The following RYR2 variants were observed in gnomAD, a reference collection of about 807,000 sequenced individuals.
The protein encoded by RYR2 is cardiac muscle ryanodine receptor-calcium release channel.
RYR2 carries 227 observed loss-of-function variants against 601.1 expected under a neutral mutation model. That is an observed-to-expected ratio of 0.38 (90% CI 0.34 to 0.42). The LOEUF is 0.42. Among genes scored for constraint, RYR2 ranks in the 10% least tolerant of loss-of-function variants. The pLI, the probability that RYR2 is intolerant of heterozygous loss-of-function variation, is 1.00. For synonymous variants in RYR2, 2,223 were observed against 2,175.1 expected (o/e 1.02, Z -0.61); for missense variants, 4,646 against 6,156.5 (o/e 0.75, Z 8.21).
intron 1 of RYR2, among the ~76,000 whole-genome samples, chr1:237,072,204 C>T (rs553424185): frequency 3.0e-4 from 45 of 152,334 alleles, no homozygotes; most frequent in South Asian, 1.0e-3. Flanking sequence ...TGGGGCATGC[C>T]GCCCCGGTTG....
chr1:237,649,917 G>C lies in RYR2; in HGVS notation c.7553G>C (p.Arg2518Pro), dbSNP rs1246380795. The change falls in exon 50 of 105, where the codon CGG (arginine) becomes CCG (proline). Residue 2518 changes from arginine to proline, a missense_variant. Arg to Pro is a moderately radical substitution (Grantham distance 103). Around this residue, in one of 17 missense-constraint regions of RYR2, gnomAD observed 1,497 missense variants for 1,842.6 expected, o/e 0.81. Coordinates refer to ENST00000366574, the MANE Select transcript of RYR2 (RefSeq NM_001035.3). ...ACAGACATGGCCTTGGCCCTCAATC[G>C]GTACCTTTGCACAGCCGTCTTGCCA... The part of the protein sequence containing the change: ...SATDMALALN[R>P]YLCTAVLPLL... The C allele has an allele frequency of 6.2e-7, 1 of 1,613,668 alleles. No individual in the cohort carries two copies. The highest frequency in any genetic ancestry group is 1.3e-5 in the African/African-American group (1 of 74,878).
chr1:237,513,631 G>A (rs182454121), intron 24 of RYR2, among the ~76,000 whole-genome samples: 15 of 152,254 alleles, frequency 9.9e-5, no homozygotes, highest in Admixed American at 2.0e-4. Context: ...CTAGTGCAAC[G>A]CACTACCTTT....
intron 1 of RYR2, among the ~76,000 whole-genome samples, chr1:237,225,395 GA>G (rs1294985006): frequency 1.3e-5 from 2 of 152,142 alleles, no homozygotes; most frequent in Admixed American, 6.5e-5. Context: ...GGCAGAGGGC[GA>G]AAGGCACGTC....
At chr1:237,053,400 AGGGAAGG>A (rs1661530482) in intron 1 of RYR2, among the ~76,000 whole-genome samples, 1 of 152,190 alleles carries the variant, frequency 6.6e-6, no homozygotes, top group Non-Finnish European at 1.5e-5. Context: ...CCTTTGTGAC[AGGGAAGG>A]GGCCATCATC....
chr1:237,208,973 T>C (rs1682198110), intron 1 of RYR2, among the ~76,000 whole-genome samples: 1 of 107,536 alleles, frequency 9.3e-6, no homozygotes, highest in Non-Finnish European at 2.0e-5. Context: ...TATATATATA[T>C]ATATATATAT....
intron 1 of RYR2, among the ~76,000 whole-genome samples, chr1:237,182,425 G>C (rs1287136025): frequency 1.3e-5 from 2 of 151,968 alleles, no homozygotes; most frequent in East Asian, 3.9e-4. Flanking sequence ...CAGCTCCCTG[G>C]GGCTTCTTTT....
At chr1:237,109,969 G>C (rs1415251503) in intron 1 of RYR2, among the ~76,000 whole-genome samples, 1 of 151,958 alleles carries the variant, frequency 6.6e-6, no homozygotes, top group Non-Finnish European at 1.5e-5. Context: ...GGGCCAGTAA[G>C]GTGCTGTCAG....
chr1:237,171,680 A>G (rs1052828654), intron 1 of RYR2, among the ~76,000 whole-genome samples: 2 of 152,212 alleles, frequency 1.3e-5, no homozygotes, highest in African/African-American at 4.8e-5. Context: ...GCCATTATTC[A>G]AAACCTAATT....
chr1:237,549,618 C>T (rs1478548407), intron 26 of RYR2, among the ~76,000 whole-genome samples: 1 of 142,820 alleles, frequency 7.0e-6, no homozygotes, highest in Non-Finnish European at 1.5e-5. Context: ...CTGTGTGATT[C>T]CATAGCTTTC....
chr1:237,730,411 T>C, intron 77 of RYR2, 55 bp downstream of exon 77: 1 of 935,850 alleles, frequency 1.1e-6, no homozygotes, highest in Non-Finnish European at 1.7e-6. Flanking sequence ...GGTGCAGCAA[T>C]GTTGGCGTGA....
At chr1:237,118,395 C>T (rs1008597678) in intron 1 of RYR2, among the ~76,000 whole-genome samples, 13 of 151,312 alleles carry the variant, frequency 8.6e-5, no homozygotes, top group Non-Finnish European at 1.5e-4. Context: ...TTTCATCATG[C>T]AGTAACCTGC....
intron 22 of RYR2, among the ~76,000 whole-genome samples, chr1:237,504,730 C>G (rs1357680343): frequency 2.0e-5 from 3 of 152,156 alleles, no homozygotes; most frequent in South Asian, 2.1e-4. Context: ...TAATATCATA[C>G]AGATGTGACA....
intron 8 of RYR2, among the ~76,000 whole-genome samples, chr1:237,379,676 CTGGAGTACTG>C (rs1701292343): frequency 6.6e-6 from 1 of 152,106 alleles, no homozygotes; most frequent in Non-Finnish European, 1.5e-5. Flanking sequence ...GTGGCCCAGG[CTGGAGTACTG>C]TGGCCATCAT....
chr1:237,148,553 T>TATATACAC (rs71178397), intron 1 of RYR2, among the ~76,000 whole-genome samples: 42 of 105,680 alleles, frequency 4.0e-4, no homozygotes, highest in South Asian at 1.2e-3. Flanking sequence ...TATATATATA[T>TATATACAC]ACACACACAC....
chr1:237,808,216 T>A (rs1188137386), intron 99 of RYR2, among the ~76,000 whole-genome samples: 1 of 152,210 alleles, frequency 6.6e-6, no homozygotes, highest in Non-Finnish European at 1.5e-5. Context: ...ATATTATACC[T>A]TATTACTAGT....
At position 237,496,573 on chromosome 1, in the gene RYR2, A is replaced by G. The variant is rs764403692; in HGVS notation, c.2024A>G (p.Tyr675Cys). The change falls in exon 20 of 105, where the codon TAT (tyrosine) becomes TGT (cysteine). Residue 675 changes from tyrosine (Y) to cysteine (C), a missense_variant. Transcript: ENST00000366574. The stretch of plus-strand genomic sequence containing the variant: ...TCTGCTCAGTATAAGAAATGGTACT[A>G]TGAATTGATGGTGGACCACACAGAG... ...EGSAQYKKWY[Y>C]ELMVDHTEPF... 3.1e-6 allele frequency: 5 copies of G among 1,614,020 alleles called. No individual in the cohort carries two copies. The highest frequency in any genetic ancestry group is 1.7e-5 in the Admixed American group (1 of 60,022).
At chr1:237,048,098 C>A (rs1380068630) in intron 1 of RYR2, among the ~76,000 whole-genome samples, 1 of 152,170 alleles carries the variant, frequency 6.6e-6, no homozygotes, top group African/African-American at 2.4e-5. Context: ...ATTGCCTGTT[C>A]GGTTCCCTAA....
In RYR2 at chr1:237,646,118, C is replaced by T. The variant is rs556117361; in HGVS notation, c.7343-2326C>T. Reference sequence around the variant, plus strand: ...GGTCTCGATCTCCTGACCTCGTGATCGGCACATCTCGGCCTCCCAAAGTGC... The same window carrying T: ...GGTCTCGATCTCCTGACCTCGTGATTGGCACATCTCGGCCTCCCAAAGTGC... On this transcript the variant is annotated intron_variant, in intron 48 of 104. Coordinates refer to ENST00000366574, the MANE Select transcript of RYR2 (RefSeq NM_001035.3). 4.6e-5 allele frequency among the ~76,000 whole-genome samples: 7 copies of T among 152,162 alleles called. 1 individual carries two copies. Among genetic ancestry groups the T allele is most frequent in the African/African-American group, 1.7e-4 (7 of 41,530 alleles).
At chr1:237,578,767 C>T (rs1335824601) in intron 29 of RYR2, among the ~76,000 whole-genome samples, 1 of 109,530 alleles carries the variant, frequency 9.1e-6, no homozygotes, top group African/African-American at 3.5e-5. Flanking sequence ...GCCCATTCTG[C>T]AGTTTTGATA....
Sources: allele counts gnomAD v4.1 joint callset (sites outside exome capture counted in the v4.1 genomes callset), GRCh38; gene constraint gnomAD v4.1.1; regional missense constraint gnomAD v4.1.1; transcripts MANE v1.5; gene names NCBI Gene and HGNC (gene_info 2026-07-23, HGNC 2026-07-21).